PTPRG: variants seen among roughly 807,000 people sequenced by gnomAD.
PTPRG encodes receptor-type tyrosine-protein phosphatase gamma.
PTPRG carries 102 observed loss-of-function variants against 165.3 expected under a neutral mutation model. The observed-to-expected ratio is 0.62, with a 90% CI of 0.53 to 0.73. PTPRG has a LOEUF of 0.73. PTPRG is among the 30% of genes least tolerant of loss of function. The pLI is 0.00. For missense variants in PTPRG, 1,866 were observed against 1,861.4 expected (o/e 1.00, Z -0.05); for synonymous variants, 675 against 669.5 (o/e 1.01, Z -0.13).
chr3:61,947,731 C>A (rs1045342487), intron 2 of PTPRG, among the ~76,000 whole-genome samples: 1 of 152,132 alleles, frequency 6.6e-6, no homozygotes, highest in Non-Finnish European at 1.5e-5. Flanking sequence ...GGGCTGAAAT[C>A]GTCTTATAGT....
intron 7 of PTPRG, among the ~76,000 whole-genome samples, chr3:62,160,482 A>G (rs1704710172): frequency 2.0e-5 from 3 of 152,222 alleles, no homozygotes; most frequent in South Asian, 2.1e-4. Flanking sequence ...GGCCAAAATC[A>G]TGTCCCCCAA....
chr3:61,992,393 C>T (rs1212688524), intron 3 of PTPRG, among the ~76,000 whole-genome samples: 2 of 152,146 alleles, frequency 1.3e-5, no homozygotes, highest in Non-Finnish European at 2.9e-5. Flanking sequence ...CGGTCTCACT[C>T]TGTTGCCCGG....
intron 2 of PTPRG, among the ~76,000 whole-genome samples, chr3:61,791,168 A>G (rs1330723683): frequency 2.6e-5 from 4 of 152,194 alleles, no homozygotes; most frequent in East Asian, 1.9e-4. Context: ...ATCCTAAGCT[A>G]TTAGAGCTGA....
intron 12 of PTPRG, among the ~76,000 whole-genome samples, chr3:62,204,703 A>G (rs923991576): frequency 6.6e-6 from 1 of 152,210 alleles, no homozygotes; most frequent in Non-Finnish European, 1.5e-5. Context: ...GTATTGGCCC[A>G]TGGTCCTTGC....
chr3:61,943,738 G>A (rs904827580), intron 2 of PTPRG, among the ~76,000 whole-genome samples: 14 of 152,156 alleles, frequency 9.2e-5, no homozygotes, highest in Admixed American at 3.3e-4. Context: ...CATGGGGTAC[G>A]TCAAAATTTC....
rs1332502814 is a variant in PTPRG, at chr3:62,168,832, G to A, written c.1033+669G>A. 4.6e-5 allele frequency among the ~76,000 whole-genome samples: 7 copies of A among 152,290 alleles called. No individual in the cohort carries two copies. The East Asian group carries it at 7.7e-4, about 17-fold the overall frequency. On this transcript the variant is annotated intron_variant, in intron 8 of 29. Transcript: ENST00000474889. ...CTTGGTACCCAGGTCCTTGTCTGGC[G>A]TCCAGGAACAATCAGGTCGCCCATG...
At chr3:61,650,396 G>T (rs1702318375) in intron 1 of PTPRG, among the ~76,000 whole-genome samples, 1 of 152,178 alleles carries the variant, frequency 6.6e-6, no homozygotes, top group African/African-American at 2.4e-5. Flanking sequence ...GAAGAACACA[G>T]TGACGAGTTC....
chr3:61,662,365 G>A (rs1262073452), intron 1 of PTPRG, among the ~76,000 whole-genome samples: 1 of 152,182 alleles, frequency 6.6e-6, no homozygotes, highest in East Asian at 1.9e-4. Context: ...TGTGTTGTGA[G>A]GAATGGAGGC....
chr3:61,728,894 A>AG (rs2032373192), intron 1 of PTPRG, among the ~76,000 whole-genome samples: 2 of 149,088 alleles, frequency 1.3e-5, no homozygotes, highest in African/African-American at 4.9e-5. Flanking sequence ...AAAAAAAAAG[A>AG]AAGAAAGAAA....
At chr3:61,836,768 G>A (rs1467912764) in intron 2 of PTPRG, among the ~76,000 whole-genome samples, 3 of 151,862 alleles carry the variant, frequency 2.0e-5, no homozygotes, top group East Asian at 1.9e-4. Flanking sequence ...TTTTTCAGAC[G>A]GAGTCTCTGT....
Position 61,562,345 on chromosome 3 carries a change from G to A in PTPRG, c.58G>A (p.Val20Met). 6.2e-7 allele frequency: 1 copy of A among 1,613,690 alleles called. No individual in the cohort carries two copies. Among genetic ancestry groups the A allele is most frequent in the South Asian group, 1.1e-5 (1 of 91,078 alleles). Residue 20 changes from valine (V) to methionine (M), a missense_variant, in exon 1 of 30, where the codon GTG (valine) becomes ATG (methionine). Val to Met is a conservative substitution (Grantham distance 21). This residue lies in a region of PTPRG where 408 missense variants were observed against 376.2 expected (regional missense o/e 1.08). Transcript: ENST00000474889. ...TTTGTTCCTGAAAATCACCAGTTCCGTGCTCCATTATGTCGTGTGCTTCCC... is the reference window on the plus strand; with the variant it reads ...TTTGTTCCTGAAAATCACCAGTTCCATGCTCCATTATGTCGTGTGCTTCCC... ...WILFLKITSS[V>M]LHYVVCFPAL... is the part of the protein sequence containing the mutation.
Position 62,272,251 on chromosome 3 carries a change from A to C in PTPRG, c.3183-695A>C, listed in dbSNP as rs187281143. On this transcript the variant is annotated intron_variant, in intron 21 of 29. Coordinates refer to ENST00000474889, the MANE Select transcript of PTPRG (RefSeq NM_002841.4). ...AATGGCTTTTCTGAAAGGTTCTTCT[A>C]AATAACAATATTTATAGTATATATG... 5.6e-3 allele frequency among the ~76,000 whole-genome samples: 850 copies of C among 152,332 alleles called. 9 individuals carry two copies. The highest frequency in any genetic ancestry group is 0.027 in the Admixed American group (420 of 15,296).
rs187660592 is a variant in PTPRG, at chr3:61,793,925, C to T, written c.190+44943C>T. Among the ~76,000 whole-genome samples, 8 of 152,246 alleles carry T rather than the reference C, an allele frequency of 5.3e-5. No homozygotes were observed. In the East Asian group the frequency reaches 1.5e-3, roughly 29 times the overall value. On this transcript the variant is annotated intron_variant, in intron 2 of 29. Coordinates refer to ENST00000474889, the MANE Select transcript of PTPRG (RefSeq NM_002841.4). ...TTTTTGATTATTAAATTAGAACTAG[C>T]CTGAAGTTCTTCCATGGCATGTTGA...
intron 17 of PTPRG, among the ~76,000 whole-genome samples, chr3:62,264,928 G>GTGTT (rs1392493999): frequency 7.3e-5 from 11 of 149,934 alleles, no homozygotes; most frequent in African/African-American, 2.5e-4. Context: ...AAAGGGTCCA[G>GTGTT]TGTTTCCACA....
In PTPRG at chr3:62,252,509, T is replaced by C. The variant is rs139822119; in HGVS notation, c.2468-2615T>C. Among the ~76,000 whole-genome samples, 2 of 152,346 alleles carry C rather than the reference T, an allele frequency of 1.3e-5. No homozygotes were observed. The highest frequency in any genetic ancestry group is 4.8e-5 in the African/African-American group (2 of 41,582). On this transcript the variant is annotated intron_variant, in intron 15 of 29. Transcript: ENST00000474889. This position sits in a 1 kb window ranked among gnomAD's most constrained non-coding sequence, Gnocchi z 4.6. ...AATGCTGCTAATATTCCCTTCAATC[T>C]TTAATGAAACTCAGACATTTAGGTG... is the stretch of plus-strand genomic sequence containing the variant.
chr3:62,106,517 T>C (rs1168470950), intron 5 of PTPRG, among the ~76,000 whole-genome samples: 1 of 151,470 alleles, frequency 6.6e-6, no homozygotes, highest in Non-Finnish European at 1.5e-5. Flanking sequence ...TTTTTTTTTT[T>C]TTTGGCTTGA....
In PTPRG at chr3:62,154,496, G is replaced by T. The variant is rs193035450; in HGVS notation, c.683-2571G>T. On this transcript the variant is annotated intron_variant, in intron 6 of 29. Coordinates refer to ENST00000474889, the MANE Select transcript of PTPRG (RefSeq NM_002841.4). ...TCCATCATGCCTGCTTAATCCATGA[G>T]CCCATCTGAGAACTTACATAAGAGT... Among the ~76,000 whole-genome samples the T allele has an allele frequency of 8.5e-5, 13 of 152,262 alleles. No individual in the cohort carries two copies. In the East Asian group the frequency reaches 2.5e-3, roughly 29 times the overall value.
intron 1 of PTPRG, among the ~76,000 whole-genome samples, chr3:61,672,751 AGGG>A (rs1345928833): frequency 1.5e-5 from 2 of 130,154 alleles, no homozygotes; most frequent in African/African-American, 6.3e-5. Context: ...GGAGAGGGAG[AGGG>A]AGAGGGAGAA....
intron 1 of PTPRG, among the ~76,000 whole-genome samples, chr3:61,639,681 G>C (rs1420568880): frequency 1.3e-5 from 2 of 152,082 alleles, no homozygotes; most frequent in Non-Finnish European, 2.9e-5. Context: ...TTGTAAATGT[G>C]ATTGCGTTCT....
Sources: gnomAD v4.1 joint callset for allele counts (sites outside exome capture counted in the v4.1 genomes callset) on GRCh38, gnomAD v4.1.1 for gene constraint, gnomAD v4.1.1 regional missense constraint, Gnocchi (gnomAD v3.1) non-coding constraint, MANE v1.5 for transcripts, NCBI Gene and HGNC (gene_info 2026-07-23, HGNC 2026-07-21) for gene names.